RIT2: variants seen among roughly 807,000 people sequenced by gnomAD.
RIT2 encodes GTP-binding protein Rit2.
In RIT2, 24 loss-of-function variants were observed where a neutral mutation model predicts 23.7. That is an observed-to-expected ratio of 1.01 (90% confidence interval 0.73 to 1.43). The LOEUF (loss-of-function observed/expected upper bound fraction) is 1.43. RIT2 is among the 40% of genes most tolerant of loss of function. RIT2 has a pLI of 0.00. For missense variants in RIT2, 236 were observed against 266.9 expected (o/e 0.88, Z 0.81); for synonymous variants, 107 against 91.1 (o/e 1.17, Z -0.99).
At position 42,827,211 on chromosome 18, in the gene RIT2, A is replaced by G. The variant is rs550549010; in HGVS notation, c.427-83491T>C. On this transcript the variant is annotated intron_variant, in intron 4 of 4. Transcript: ENST00000326695. ...GCTGACCAGCATAAGACTGTGTTAT[A>G]TTTTAGAGGAGGTATCAGAAATTGC... 1.1e-3 allele frequency among the ~76,000 whole-genome samples: 173 copies of G among 152,344 alleles called. 2 individuals carry two copies. The Middle Eastern group carries it at 0.024, about 21-fold the overall frequency.
chr18:42,771,332 T>G (rs909710943), intron 4 of RIT2, among the ~76,000 whole-genome samples: 2 of 152,216 alleles, frequency 1.3e-5, no homozygotes, highest in Non-Finnish European at 2.9e-5. Context: ...ATCACATTTC[T>G]CTTTAATATT....
At chr18:43,047,316 T>C (rs1912272452) in intron 1 of RIT2, among the ~76,000 whole-genome samples, 1 of 152,164 alleles carries the variant, frequency 6.6e-6, no homozygotes, top group Non-Finnish European at 1.5e-5. Context: ...TAGAACTTGC[T>C]GTCATTTTTT....
At chr18:43,026,630 A>AAGAAAGAAAGAAAGAAAGAC (rs1555652912) in intron 2 of RIT2, among the ~76,000 whole-genome samples, 1 of 94,484 alleles carries the variant, frequency 1.1e-5, no homozygotes, top group African/African-American at 3.2e-5. Context: ...GAAAGAAAGA[A>AAGAAAGAAAGAAAGAAAGAC]AGAAAGAGAG....
intron 4 of RIT2, among the ~76,000 whole-genome samples, chr18:42,786,618 G>C (rs1913927933): frequency 6.6e-6 from 1 of 151,804 alleles, no homozygotes; most frequent in Admixed American, 6.6e-5. Flanking sequence ...TTAATTCTCG[G>C]GACTGACAAT....
intron 4 of RIT2, among the ~76,000 whole-genome samples, chr18:42,888,218 G>A (rs1278834133): frequency 6.6e-6 from 1 of 151,616 alleles, no homozygotes; most frequent in Non-Finnish European, 1.5e-5. Flanking sequence ...TGTGGCGGGG[G>A]ATTTTAATTG....
chr18:43,036,909 T>C (rs952683259), intron 1 of RIT2, among the ~76,000 whole-genome samples: 1 of 152,226 alleles, frequency 6.6e-6, no homozygotes, highest in Non-Finnish European at 1.5e-5. Flanking sequence ...CAACCTGTTA[T>C]CACACTGGAG....
intron 1 of RIT2, among the ~76,000 whole-genome samples, chr18:43,055,489 G>A (rs989202997): frequency 4.0e-5 from 6 of 151,862 alleles, no homozygotes; most frequent in African/African-American, 1.5e-4. Context: ...ATCAAAAGAG[G>A]GTGCCCATGA....
intron 4 of RIT2, among the ~76,000 whole-genome samples, chr18:42,906,094 A>G (rs1278412787): frequency 1.3e-5 from 2 of 149,758 alleles, no homozygotes; most frequent in Admixed American, 1.3e-4. Context: ...TTTAAGCCTT[A>G]TATCTCTTGA....
intron 4 of RIT2, among the ~76,000 whole-genome samples, chr18:42,776,380 T>C (rs1478951905): frequency 6.6e-6 from 1 of 152,180 alleles, no homozygotes; most frequent in African/African-American, 2.4e-5. Context: ...ATTCACTCCA[T>C]GGAACTCATA....
At chr18:43,096,033 C>T (rs1013617180) in intron 1 of RIT2, among the ~76,000 whole-genome samples, 1 of 151,804 alleles carries the variant, frequency 6.6e-6, no homozygotes, top group African/African-American at 2.4e-5. Context: ...AAGAAAAAAA[C>T]ACTTGTATAG....
intron 3 of RIT2, among the ~76,000 whole-genome samples, chr18:42,949,675 CT>C (rs1450151070): frequency 4.6e-5 from 7 of 152,188 alleles, no homozygotes; most frequent in African/African-American, 1.7e-4. Flanking sequence ...AGTTACTCCA[CT>C]TCGATTCTGA....
At chr18:42,779,172 C>T (rs1340241370) in intron 4 of RIT2, among the ~76,000 whole-genome samples, 1 of 152,116 alleles carries the variant, frequency 6.6e-6, no homozygotes, top group African/African-American at 2.4e-5. Context: ...GCCTAGAGAC[C>T]CCTGACCTCC....
intron 3 of RIT2, among the ~76,000 whole-genome samples, chr18:42,962,185 C>A (rs1033841498): frequency 6.6e-6 from 1 of 152,074 alleles, no homozygotes; most frequent in African/African-American, 2.4e-5. Flanking sequence ...GGATTTCCTG[C>A]GATAGCAATT....
In RIT2 at chr18:43,007,427, C is replaced by G. The variant is rs183553172; in HGVS notation, c.160+26384G>C. Among the ~76,000 whole-genome samples, 32 of 151,802 alleles carry G rather than the reference C, an allele frequency of 2.1e-4. 1 individual carries two copies. The East Asian group carries it at 3.3e-3, about 16-fold the overall frequency. On this transcript the variant is annotated intron_variant, in intron 2 of 4. Coordinates refer to ENST00000326695, the MANE Select transcript of RIT2 (RefSeq NM_002930.4). ...TTGAGAAGTAATGAGCACCGAGTAG[C>G]AATGACTATGCCTAGCACACAGGTT... is the stretch of plus-strand genomic sequence containing the variant.
intron 4 of RIT2, among the ~76,000 whole-genome samples, chr18:42,839,107 A>G (rs963041295): frequency 6.6e-6 from 1 of 152,170 alleles, no homozygotes; most frequent in African/African-American, 2.4e-5. Flanking sequence ...TCCTTTGCAC[A>G]CTGGAAAATG....
intron 4 of RIT2, among the ~76,000 whole-genome samples, chr18:42,769,997 G>A (rs1026372746): frequency 2.0e-5 from 3 of 151,988 alleles, no homozygotes; most frequent in Non-Finnish European, 4.4e-5. Context: ...ACAGATCCAA[G>A]ACAGTCGTGG....
chr18:42,801,825 G>T (rs1598659760), intron 4 of RIT2, among the ~76,000 whole-genome samples: 1 of 152,144 alleles, frequency 6.6e-6, no homozygotes, highest in East Asian at 1.9e-4. Flanking sequence ...TGTTTCCCAT[G>T]ATGCTGTTTT....
intron 2 of RIT2, among the ~76,000 whole-genome samples, chr18:42,977,058 C>T (rs1381987650): frequency 1.3e-5 from 2 of 151,940 alleles, no homozygotes; most frequent in Admixed American, 1.3e-4. Context: ...AGAAGGATAA[C>T]CACAGGTTTA....
At chr18:42,836,476 AAG>A (rs1481109856) in intron 4 of RIT2, among the ~76,000 whole-genome samples, 1 of 152,206 alleles carries the variant, frequency 6.6e-6, no homozygotes. Flanking sequence ...ACCAGAAGGC[AAG>A]AAAACAGCAG....
Sources: gnomAD v4.1 joint callset for allele counts (sites outside exome capture counted in the v4.1 genomes callset) on GRCh38, gnomAD v4.1.1 for gene constraint, MANE v1.5 for transcripts, NCBI Gene and HGNC (gene_info 2026-07-23, HGNC 2026-07-21) for gene names.